ZC3H12B: variants seen among roughly 807,000 people sequenced by gnomAD.
The protein encoded by ZC3H12B is probable ribonuclease ZC3H12B.
ZC3H12B carries 7 observed loss-of-function variants against 43.9 expected under a neutral mutation model. The observed-to-expected ratio is 0.16, with a 90% CI of 0.09 to 0.30. The LOEUF is 0.30. ZC3H12B is among the 10% of genes least tolerant of loss of function. The pLI is 1.00. For missense variants in ZC3H12B, 475 were observed against 670.2 expected (o/e 0.71, Z 3.22); for synonymous variants, 222 against 241.7 (o/e 0.92, Z 0.76).
the ZC3H12B span, among the ~76,000 whole-genome samples, chrX:65,212,284 TATA>T: frequency 6.0e-5 from 3 of 49,938 alleles, no homozygotes; most frequent in Non-Finnish European, 9.7e-5. Flanking sequence ...ATAATATAAT[TATA>T]ATATATTATA....
chrX:65,344,081 T>C, the ZC3H12B span, among the ~76,000 whole-genome samples: 1 of 111,846 alleles, frequency 8.9e-6, no homozygotes, highest in African/African-American at 3.2e-5. Context: ...TCATTCACAA[T>C]TGCCACAAAA....
chrX:65,246,972 C>T, the ZC3H12B span, among the ~76,000 whole-genome samples: 1 of 112,404 alleles, frequency 8.9e-6, no homozygotes, highest in Non-Finnish European at 1.9e-5. Context: ...AACAGACAAC[C>T]TACAGAATGG....
the ZC3H12B span, among the ~76,000 whole-genome samples, chrX:65,275,270 G>A: frequency 2.8e-4 from 31 of 112,552 alleles, no homozygotes; most frequent in South Asian, 3.6e-4. Flanking sequence ...GAAACAGCAC[G>A]ATAAGCCACC....
At chrX:65,356,029 A>G in the ZC3H12B span, among the ~76,000 whole-genome samples, 2 of 112,298 alleles carry the variant, frequency 1.8e-5, no homozygotes, top group African/African-American at 6.5e-5. Flanking sequence ...TTTTAAATAC[A>G]TATCTTAAAT....
chrX:65,128,524 T>C, the ZC3H12B span, among the ~76,000 whole-genome samples: 1 of 111,939 alleles, frequency 8.9e-6, no homozygotes, highest in African/African-American at 3.2e-5. Context: ...AAAGAATGTG[T>C]ATTCTGTTTT....
At chrX:65,039,792 A>C in the ZC3H12B span, among the ~76,000 whole-genome samples, 1 of 111,880 alleles carries the variant, frequency 8.9e-6, no homozygotes, top group African/African-American at 3.2e-5. Flanking sequence ...TGACTAAATC[A>C]GGCAATTTTT....
intron 3 of ZC3H12B, among the ~76,000 whole-genome samples, chrX:65,447,025 T>C (rs1284035939): frequency 1.8e-5 from 2 of 111,863 alleles, no homozygotes; most frequent in Non-Finnish European, 3.8e-5. Context: ...TACTTTGGGC[T>C]TCTTAATTTA....
At chrX:65,352,809 A>G in the ZC3H12B span, among the ~76,000 whole-genome samples, 1 of 111,418 alleles carries the variant, frequency 9.0e-6, no homozygotes, top group Non-Finnish European at 1.9e-5. Flanking sequence ...TTTCACCATC[A>G]TTGTATCTGT....
chrX:65,318,769 T>C, the ZC3H12B span, among the ~76,000 whole-genome samples: 1 of 111,018 alleles, frequency 9.0e-6, no homozygotes, highest in Non-Finnish European at 1.9e-5. Context: ...CTTAGCCCAC[T>C]TTTTGTTGGG....
At chrX:65,042,625 A>G in the ZC3H12B span, among the ~76,000 whole-genome samples, 1 of 112,216 alleles carries the variant, frequency 8.9e-6, no homozygotes, top group Non-Finnish European at 1.9e-5. Context: ...TTTGTGTAAG[A>G]TGTCCAAAAT....
the ZC3H12B span, among the ~76,000 whole-genome samples, chrX:65,056,123 T>C: frequency 2.1e-4 from 24 of 112,158 alleles, no homozygotes; most frequent in African/African-American, 5.8e-4. Context: ...CTTTCTTGCC[T>C]TCTGCTAGCT....
chrX:65,392,518 G>A (rs1254339213), intron 2 of ZC3H12B, among the ~76,000 whole-genome samples: 8 of 111,264 alleles, frequency 7.2e-5, no homozygotes, highest in East Asian at 2.9e-4. Context: ...GGTGAGGGGC[G>A]CCCCCGCCCG....
At chrX:65,315,120 G>A in the ZC3H12B span, among the ~76,000 whole-genome samples, 1 of 110,582 alleles carries the variant, frequency 9.0e-6, no homozygotes, top group African/African-American at 3.3e-5. Flanking sequence ...ATAATAAATG[G>A]CAGCTCTAAA....
At chrX:65,262,020 C>T in the ZC3H12B span, among the ~76,000 whole-genome samples, 3 of 110,506 alleles carry the variant, frequency 2.7e-5, no homozygotes, top group Non-Finnish European at 5.7e-5. Flanking sequence ...TTATAGTATT[C>T]ATTTCTACTG....
the ZC3H12B span, among the ~76,000 whole-genome samples, chrX:65,120,797 C>T: frequency 1.1e-4 from 12 of 110,902 alleles, no homozygotes; most frequent in African/African-American, 3.9e-4. Flanking sequence ...GTCATAGATA[C>T]CTCTTATTAT....
intron 1 of ZC3H12B, among the ~76,000 whole-genome samples, chrX:65,494,091 A>G (rs1001188501): frequency 6.3e-5 from 7 of 111,579 alleles, no homozygotes; most frequent in African/African-American, 2.3e-4. Flanking sequence ...AATTCTCAGT[A>G]TGTTAGGAAA....
intron 3 of ZC3H12B, among the ~76,000 whole-genome samples, chrX:65,461,412 T>C (rs1346339028): frequency 8.9e-6 from 1 of 112,334 alleles, no homozygotes; most frequent in East Asian, 2.8e-4. Flanking sequence ...CGTATGTTTA[T>C]TGTGGCACTA....
the ZC3H12B span, among the ~76,000 whole-genome samples, chrX:65,136,012 A>G: frequency 9.0e-6 from 1 of 110,974 alleles, no homozygotes; most frequent in East Asian, 2.8e-4. Context: ...GATTATTGCA[A>G]TTTCTCTATT....
chrX:65,247,145 C>A, the ZC3H12B span, among the ~76,000 whole-genome samples: 2 of 112,367 alleles, frequency 1.8e-5, no homozygotes, highest in African/African-American at 6.5e-5. Flanking sequence ...AAAAGCTCAA[C>A]ATCACTGATT....
Sources: gnomAD v4.1 joint callset for allele counts (sites outside exome capture counted in the v4.1 genomes callset) on GRCh38, gnomAD v4.1.1 for gene constraint, MANE v1.5 for transcripts, NCBI Gene and HGNC (gene_info 2026-07-23, HGNC 2026-07-21) for gene names.